EZH2: variants seen among roughly 807,000 people sequenced by gnomAD.
EZH2 encodes the protein histone-lysine N-methyltransferase EZH2.
A neutral mutation model predicts 98.4 loss-of-function variants in EZH2; 18 were observed. The ratio of observed to expected loss-of-function variants is 0.18; its 90% CI spans 0.13 to 0.27. The LOEUF (loss-of-function observed/expected upper bound fraction) is 0.27. Ranked by LOEUF, EZH2 falls within the 10% of genes least tolerant of loss-of-function variation. The pLI is 1.00. For synonymous variants in EZH2, 338 were observed against 312.3 expected (o/e 1.08, Z -0.87); for missense variants, 470 against 935.1 (o/e 0.50, Z 6.49).
In EZH2 at chr7:148,818,053, G is replaced by A. The variant is rs1182158215; in HGVS notation, c.1064C>T (p.Pro355Leu). 15 of 1,613,986 alleles carry A rather than the reference G, an allele frequency of 9.3e-6. 1 individual carries two copies. Among genetic ancestry groups the A allele is most frequent in the Middle Eastern group, 1.7e-4 (1 of 6,058 alleles). The change falls in exon 10 of 20, where the codon CCA (proline) becomes CTA (leucine). Residue 355 changes from proline to leucine, a missense_variant. Transcript: ENST00000320356. The part of the protein sequence containing the change: ...AERIKTPPKR[P>L]GGRRRGRLPN... ...AAGCCGTCCTCTTCTGCGGCCTCCT[G>A]GACGTTTTGGTGGGGTCTTTATCCG... is the stretch of plus-strand genomic sequence containing the variant.
chr7:148,829,128 G>C (rs1054250650), intron 5 of EZH2, among the ~76,000 whole-genome samples: 1 of 152,124 alleles, frequency 6.6e-6, no homozygotes, highest in African/African-American at 2.4e-5. Flanking sequence ...GTAGAAAACT[G>C]AATCTTCTAG....
At chr7:148,846,221 A>T (rs1376366276) in intron 3 of EZH2, among the ~76,000 whole-genome samples, 2 of 152,042 alleles carry the variant, frequency 1.3e-5, no homozygotes, top group African/African-American at 4.8e-5. Context: ...TTTTTTTTTA[A>T]ATCAACATTC....
intron 1 of EZH2, chr7:148,876,429 A>C (rs936110865): frequency 2.6e-5 from 4 of 152,192 alleles, no homozygotes; most frequent in African/African-American, 9.6e-5. Flanking sequence ...ATACCCTTCA[A>C]ATGTGTGCTT....
chr7:148,837,148 C>T (rs1021699990), intron 3 of EZH2: 7 of 356,984 alleles, frequency 2.0e-5, no homozygotes, highest in African/African-American at 1.5e-4. Flanking sequence ...CCAAAGACAA[C>T]AGCCATGGCC....
At chr7:148,850,389 C>T (rs752061807) in intron 1 of EZH2, 94 of 569,326 alleles carry the variant, frequency 1.7e-4, no homozygotes, top group Non-Finnish European at 2.0e-4. Flanking sequence ...TGTTTTAGTA[C>T]TAGAACTGTC....
chr7:148,810,109 G>C (rs1802613378), intron 17 of EZH2: 2 of 418,958 alleles, frequency 4.8e-6, no homozygotes, highest in Non-Finnish European at 8.8e-6. Context: ...GCCACCCACA[G>C]ACAGCCGGGA....
chr7:148,837,677 T>C (rs752257058), intron 3 of EZH2, among the ~76,000 whole-genome samples: 4 of 151,554 alleles, frequency 2.6e-5, no homozygotes, highest in Non-Finnish European at 5.9e-5. Context: ...GAAGGCAAAA[T>C]AGGAGAAGGG....
intron 1 of EZH2, chr7:148,850,310 G>T: frequency 1.0e-5 from 2 of 197,276 alleles, no homozygotes; most frequent in Non-Finnish European, 1.8e-5. Context: ...GAGCCACTGC[G>T]CCTGGCTTAC....
intron 1 of EZH2, among the ~76,000 whole-genome samples, chr7:148,882,561 T>C (rs1168925696): frequency 3.3e-5 from 5 of 152,210 alleles, no homozygotes; most frequent in Admixed American, 6.5e-5. Context: ...ATAAACAAGT[T>C]AGGATTACAC....
Position 148,808,780 on chromosome 7 carries a change from A to AGCATGCG in EZH2, c.2195+284_2195+290dup, listed in dbSNP as rs749833930. On this transcript the variant is annotated intron_variant, in intron 19 of 19. Coordinates refer to ENST00000320356, the MANE Select transcript of EZH2 (RefSeq NM_004456.5). ...GAAAACGCTCCACGAGTGAGCATGC[A>AGCATGCG]GCATGCGGCATGATATGAGAAGGTC... Among the ~76,000 whole-genome samples the AGCATGCG allele has an allele frequency of 2.0e-5, 3 of 152,326 alleles. No individual in the cohort carries two copies. In the East Asian group the frequency reaches 5.8e-4, roughly 29 times the overall value.
chr7:148,846,676 A>T, intron 2 of EZH2, 78 bp from the exon 3 acceptor site: 1 of 1,310,058 alleles, frequency 7.6e-7, no homozygotes, highest in Non-Finnish European at 1.1e-6. Flanking sequence ...AAAGCAGGTT[A>T]AAAATCTAGT....
rs971582764 is a variant in EZH2, at chr7:148,810,633, A to G, written c.1948-219T>C. Reference sequence around the variant, plus strand: ...AGAAATATTTCCACATCCTGAAGTAATTATCCTTGGAGAAAGTGAGGAACC... The same window carrying G: ...AGAAATATTTCCACATCCTGAAGTAGTTATCCTTGGAGAAAGTGAGGAACC... On this transcript the variant is annotated intron_variant, in intron 16 of 19. Coordinates refer to ENST00000320356, the MANE Select transcript of EZH2 (RefSeq NM_004456.5). Among the ~76,000 whole-genome samples the G allele has an allele frequency of 3.0e-4, 45 of 152,194 alleles. 1 individual carries two copies. The highest frequency in any genetic ancestry group is 1.0e-3 in the African/African-American group (42 of 41,456).
intron 3 of EZH2, among the ~76,000 whole-genome samples, chr7:148,845,370 G>A (rs1310578483): frequency 6.6e-6 from 1 of 152,170 alleles, no homozygotes; most frequent in African/African-American, 2.4e-5. Context: ...CAGATGAGGA[G>A]GAAAGTGTCA....
At chr7:148,842,495 A>C (rs866736534) in intron 3 of EZH2, among the ~76,000 whole-genome samples, 5 of 152,362 alleles carry the variant, frequency 3.3e-5, no homozygotes, top group Middle Eastern at 3.4e-3. Context: ...TCACCTAGTA[A>C]CAATTTCTTG....
chr7:148,845,346 G>A (rs1813716711), intron 3 of EZH2, among the ~76,000 whole-genome samples: 1 of 152,112 alleles, frequency 6.6e-6, no homozygotes, highest in Admixed American at 6.5e-5. Flanking sequence ...TAACATCTAG[G>A]CTCTGGCCTG....
At chr7:148,825,199 G>A (rs1807342478) in intron 8 of EZH2, among the ~76,000 whole-genome samples, 1 of 152,042 alleles carries the variant, frequency 6.6e-6, no homozygotes, top group Admixed American at 6.6e-5. Flanking sequence ...ATAAAAACTC[G>A]ATGTAATTCA....
intron 17 of EZH2, 99 bp from the exon 18 acceptor site, chr7:148,809,489 G>C: frequency 1.2e-6 from 1 of 868,126 alleles, no homozygotes; most frequent in Admixed American, 2.3e-5. Context: ...CAGTTCTTCA[G>C]GGTTTGCCTG....
chr7:148,881,972 GCA>G (rs3059438), intron 1 of EZH2, among the ~76,000 whole-genome samples: 10,234 of 131,722 alleles, frequency 0.078, 536 homozygotes, highest in African/African-American at 0.16. Flanking sequence ...ACACGCGCGC[GCA>G]CACACACACA....
At chr7:148,815,603 A>G in intron 12 of EZH2, 57 bp from the exon 13 acceptor site, 1 of 1,476,778 alleles carries the variant, frequency 6.8e-7, no homozygotes, top group Non-Finnish European at 9.5e-7. Flanking sequence ...CAAATCCAAC[A>G]GAGAGCTGCT....
Sources: gnomAD v4.1 joint callset for allele counts (sites outside exome capture counted in the v4.1 genomes callset) on GRCh38, gnomAD v4.1.1 for gene constraint, MANE v1.5 for transcripts, NCBI Gene and HGNC (gene_info 2026-07-23, HGNC 2026-07-21) for gene names.